FNBP1L: variants seen among roughly 807,000 people sequenced by gnomAD.
FNBP1L encodes formin-binding protein 1-like.
Under a neutral mutation model 91.2 loss-of-function variants are expected in FNBP1L, and 36 were observed. The ratio of observed to expected loss-of-function variants is 0.39; its 90% CI spans 0.30 to 0.52. FNBP1L has a LOEUF of 0.52. Among genes scored for constraint, FNBP1L ranks in the 20% least tolerant of loss-of-function variants. FNBP1L has a pLI of 0.66. For synonymous variants in FNBP1L, 242 were observed against 237.0 expected (o/e 1.02, Z -0.19); for missense variants, 571 against 732.1 (o/e 0.78, Z 2.54).
chr1:93,546,456 C>G (rs1672239952), intron 12 of FNBP1L, among the ~76,000 whole-genome samples: 2 of 151,992 alleles, frequency 1.3e-5, no homozygotes, highest in South Asian at 4.2e-4. Context: ...GATGTATGAG[C>G]TAAGGAACAC....
intron 1 of FNBP1L, among the ~76,000 whole-genome samples, chr1:93,451,266 C>CT (rs576977065): frequency 1.6e-3 from 249 of 151,958 alleles, no homozygotes; most frequent in African/African-American, 4.4e-3. Context: ...AAATTACTAG[C>CT]TTTTTTTTAA....
chr1:93,525,145 GTTTACTC>G (rs1213632786), intron 5 of FNBP1L, among the ~76,000 whole-genome samples: 1 of 151,510 alleles, frequency 6.6e-6, no homozygotes, highest in Non-Finnish European at 1.5e-5. Context: ...TTATCGAACA[GTTTACTC>G]TTTACTAGCA....
chr1:93,469,856 G>T (rs562552770), intron 1 of FNBP1L, among the ~76,000 whole-genome samples: 1 of 152,160 alleles, frequency 6.6e-6, no homozygotes, highest in African/African-American at 2.4e-5. Context: ...CACACTTGTC[G>T]TTCCAGCTAC....
chr1:93,518,730 A>G (rs1442479594), intron 2 of FNBP1L, among the ~76,000 whole-genome samples: 1 of 152,236 alleles, frequency 6.6e-6, no homozygotes, highest in African/African-American at 2.4e-5. Context: ...CATATGCCAT[A>G]AGATTCATTT....
chr1:93,478,517 AG>A (rs968511789), intron 1 of FNBP1L, among the ~76,000 whole-genome samples: 1 of 152,044 alleles, frequency 6.6e-6, no homozygotes, highest in Non-Finnish European at 1.5e-5. Flanking sequence ...CCAGGTGGAG[AG>A]GGGGGCAGTC....
At chr1:93,530,612 CAA>C in intron 6 of FNBP1L, 141 bp from the exon 7 acceptor site, 1 of 804,220 alleles carries the variant, frequency 1.2e-6, no homozygotes, top group South Asian at 1.7e-5. Context: ...ATTAATAGTT[CAA>C]AAAAGTTATG....
intron 7 of FNBP1L, among the ~76,000 whole-genome samples, chr1:93,532,337 C>T (rs765716062): frequency 6.6e-5 from 10 of 151,742 alleles, no homozygotes; most frequent in East Asian, 1.9e-4. Context: ...CATGGTGGCA[C>T]GTGCCTGTAG....
At chr1:93,549,557 T>C (rs1672342435) in intron 15 of FNBP1L, 131 bp downstream of exon 15, 3 of 696,556 alleles carry the variant, frequency 4.3e-6, no homozygotes, top group Non-Finnish European at 6.7e-6. Flanking sequence ...ATTTCTTTAG[T>C]ATGCATACTT....
At chr1:93,544,066 C>T in intron 11 of FNBP1L, 41 bp from the exon 12 acceptor site, 1 of 1,401,866 alleles carries the variant, frequency 7.1e-7, no homozygotes, top group East Asian at 2.4e-5. Context: ...AATAAAATTT[C>T]CCGAAAATGT....
intron 1 of FNBP1L, among the ~76,000 whole-genome samples, chr1:93,460,886 T>G (rs972308104): frequency 1.3e-5 from 2 of 152,242 alleles, no homozygotes; most frequent in Non-Finnish European, 2.9e-5. Flanking sequence ...TAATAATGTA[T>G]ACTTGAAAGT....
At chr1:93,452,326 G>A (rs1321445838) in intron 1 of FNBP1L, among the ~76,000 whole-genome samples, 1 of 152,164 alleles carries the variant, frequency 6.6e-6, no homozygotes, top group Non-Finnish European at 1.5e-5. Context: ...GATAGGTTAG[G>A]TGATCTGGAT....
At chr1:93,490,308 A>T (rs557072280) in intron 1 of FNBP1L, among the ~76,000 whole-genome samples, 3 of 152,288 alleles carry the variant, frequency 2.0e-5, no homozygotes, top group Admixed American at 1.3e-4. Context: ...TAATGTGGAC[A>T]TTTATGTTGG....
intron 12 of FNBP1L, among the ~76,000 whole-genome samples, chr1:93,544,607 G>A (rs1434181764): frequency 2.0e-5 from 3 of 151,876 alleles, no homozygotes; most frequent in African/African-American, 4.8e-5. Flanking sequence ...GATTACTGAC[G>A]GCTTCATATT....
chr1:93,542,363 T>G (rs973141602), intron 11 of FNBP1L, among the ~76,000 whole-genome samples: 4 of 138,832 alleles, frequency 2.9e-5, no homozygotes, highest in African/African-American at 1.1e-4. Flanking sequence ...CTAAAGGAAC[T>G]CAACAAAGGA....
chr1:93,465,424 A>G (rs554703216), intron 1 of FNBP1L, among the ~76,000 whole-genome samples: 168 of 151,882 alleles, frequency 1.1e-3, no homozygotes, highest in African/African-American at 3.6e-3. Context: ...TCATTGTTCA[A>G]TTCCCACCTA....
chr1:93,512,057 A>G (rs1337310772), intron 2 of FNBP1L, among the ~76,000 whole-genome samples: 1 of 152,142 alleles, frequency 6.6e-6, no homozygotes, highest in Non-Finnish European at 1.5e-5. Flanking sequence ...CATAGGCTCA[A>G]AATAAAAGGA....
Position 93,448,648 on chromosome 1 carries a change from C to T in FNBP1L, c.24+343C>T, listed in dbSNP as rs1668361940. Among the ~76,000 whole-genome samples the T allele has an allele frequency of 3.3e-5, 5 of 151,966 alleles. No homozygotes were observed. The South Asian group carries it at 1.0e-3, about 32-fold the overall frequency. On this transcript the variant is annotated intron_variant, in intron 1 of 16. Transcript: ENST00000271234. The stretch of plus-strand genomic sequence containing the variant: ...TCACTTTTCCCGACGCCTGGCTTCG[C>T]GCCCGGCGGCTCCTCTCTTCCTTTG...
At chr1:93,494,288 AG>A (rs1670193333) in intron 1 of FNBP1L, among the ~76,000 whole-genome samples, 2 of 152,348 alleles carry the variant, frequency 1.3e-5, no homozygotes, top group South Asian at 4.1e-4. Flanking sequence ...GGAAAGACCC[AG>A]GGTGCATGAT....
At chr1:93,459,733 G>T (rs1336762154) in intron 1 of FNBP1L, among the ~76,000 whole-genome samples, 5 of 152,254 alleles carry the variant, frequency 3.3e-5, no homozygotes, top group African/African-American at 1.2e-4. Context: ...TTTATCCAAA[G>T]GATAGGAAAT....
Sources: gnomAD v4.1 joint callset for allele counts (sites outside exome capture counted in the v4.1 genomes callset) on GRCh38, gnomAD v4.1.1 for gene constraint, MANE v1.5 for transcripts, NCBI Gene and HGNC (gene_info 2026-07-23, HGNC 2026-07-21) for gene names.